Variants in TENM2 observed in about 807,000 individuals in gnomAD.
TENM2 encodes teneurin transmembrane protein 2.
Under a neutral mutation model 245.2 loss-of-function variants are expected in TENM2, and 52 were observed. That is an observed-to-expected ratio of 0.21 (90% confidence interval 0.17 to 0.27). TENM2 has a LOEUF of 0.27. TENM2 is among the 10% of genes least tolerant of loss of function. The probability of loss-of-function intolerance (pLI) is 1.00; values close to 1 mark genes in which losing one functional copy is unlikely to be tolerated. For synonymous variants in TENM2, 1,363 were observed against 1,438.9 expected (o/e 0.95, Z 1.19); for missense variants, 3,046 against 3,666.8 (o/e 0.83, Z 4.37).
intron 22 of TENM2, 42 bp downstream of exon 24, chr5:168,216,964 C>T (rs748192264): frequency 1.2e-6 from 2 of 1,606,026 alleles, no homozygotes; most frequent in East Asian, 4.5e-5. Flanking sequence ...CAACACCTGC[C>T]CCTTGGCCTG....
At chr5:167,377,546 A>G (rs746992095) in intron 2 of TENM2, among the ~76,000 whole-genome samples, 43 of 152,294 alleles carry the variant, frequency 2.8e-4, no homozygotes, top group Non-Finnish European at 5.1e-4. Context: ...TATTCAAAAG[A>G]GGTACATAAT....
intron 2 of TENM2, among the ~76,000 whole-genome samples, chr5:167,531,677 T>C (rs1473596378): frequency 1.3e-5 from 2 of 151,260 alleles, no homozygotes; most frequent in East Asian, 3.9e-4. Context: ...TTCTCCTCTC[T>C]AAGTTCAATG....
chr5:167,092,253 A>G, the TENM2 span, among the ~76,000 whole-genome samples: 2 of 152,182 alleles, frequency 1.3e-5, no homozygotes, highest in South Asian at 4.1e-4. Flanking sequence ...ATGAGGTTTT[A>G]TGGAAACACA....
intron 2 of TENM2, among the ~76,000 whole-genome samples, chr5:167,573,601 T>TA (rs1774433463): frequency 6.6e-6 from 1 of 151,648 alleles, no homozygotes; most frequent in Non-Finnish European, 1.5e-5. Flanking sequence ...TCTCTCCTCC[T>TA]GCCTTTGATG....
Position 167,776,395 on chromosome 5 carries a change from G to A in TENM2, c.503-99591G>A, listed in dbSNP as rs547376334. On this transcript the variant is annotated intron_variant, in intron 2 of 28. Transcript: ENST00000518659. Reference sequence around the variant, plus strand: ...GTGGATTGCTTGAGTCCAGGAGTTCGAGACCAGCCTGGGCAGCAAGGCGAG... The same window carrying A: ...GTGGATTGCTTGAGTCCAGGAGTTCAAGACCAGCCTGGGCAGCAAGGCGAG... Among the ~76,000 whole-genome samples, 209 of 151,448 alleles carry A rather than the reference G, an allele frequency of 1.4e-3. 1 individual carries two copies. The highest frequency in any genetic ancestry group is 6.9e-3 in the South Asian group (33 of 4,802).
chr5:168,216,913 T>G, exon 22 of TENM2: 1 of 1,613,940 alleles, frequency 6.2e-7, no homozygotes. Flanking sequence ...CCAGCATGGA[T>G]GTAGCCCAGG....
At chr5:167,900,080 C>T (rs1316033281) in intron 3 of TENM2, among the ~76,000 whole-genome samples, 1 of 116,044 alleles carries the variant, frequency 8.6e-6, no homozygotes, top group African/African-American at 3.4e-5. Flanking sequence ...CCGTTTCTTA[C>T]AGTATCTTTC....
intron 2 of TENM2, among the ~76,000 whole-genome samples, chr5:167,499,378 G>A (rs1244731649): frequency 6.6e-6 from 1 of 152,154 alleles, no homozygotes; most frequent in Non-Finnish European, 1.5e-5. Flanking sequence ...CTAAAAATGG[G>A]CATGGGGAAT....
chr5:168,140,783 T>C (rs1055766108), intron 12 of TENM2, among the ~76,000 whole-genome samples: 57 of 152,172 alleles, frequency 3.7e-4, no homozygotes, highest in African/African-American at 1.3e-3. Context: ...TTTCTCTTCC[T>C]TATGCTGATA....
chr5:168,073,720 A>T (rs970797302), intron 7 of TENM2, among the ~76,000 whole-genome samples: 1 of 152,194 alleles, frequency 6.6e-6, no homozygotes, highest in African/African-American at 2.4e-5. Flanking sequence ...ACCTGGGGAA[A>T]ATCTTGTTGA....
At chr5:168,206,484 C>A (rs1391504821) in intron 19 of TENM2, among the ~76,000 whole-genome samples, 1 of 152,172 alleles carries the variant, frequency 6.6e-6, no homozygotes, top group Non-Finnish European at 1.5e-5. Context: ...TCAAGCTGAG[C>A]TGAAGGGCCA....
the TENM2 span, among the ~76,000 whole-genome samples, chr5:167,106,700 G>C: frequency 1.3e-5 from 2 of 151,952 alleles, no homozygotes; most frequent in Non-Finnish European, 2.9e-5. Context: ...GTGCACAAGT[G>C]CTATTCTGCA....
At chr5:167,802,972 G>C (rs1189692559) in intron 2 of TENM2, among the ~76,000 whole-genome samples, 2 of 152,116 alleles carry the variant, frequency 1.3e-5, no homozygotes, top group Non-Finnish European at 2.9e-5. Flanking sequence ...AAAATCAAAT[G>C]AGTATTTGCA....
intron 2 of TENM2, among the ~76,000 whole-genome samples, chr5:167,489,520 A>G (rs879399955): frequency 1.3e-5 from 2 of 152,136 alleles, no homozygotes; most frequent in Non-Finnish European, 2.9e-5. Flanking sequence ...TACAATGGCA[A>G]CACTGCCCTT....
intron 2 of TENM2, among the ~76,000 whole-genome samples, chr5:167,478,750 A>T (rs1194670730): frequency 6.6e-6 from 1 of 152,150 alleles, no homozygotes; most frequent in African/African-American, 2.4e-5. Flanking sequence ...ACCATTTTTA[A>T]AACATTTTGC....
At chr5:167,903,037 C>A (rs1775827978) in intron 3 of TENM2, among the ~76,000 whole-genome samples, 1 of 152,188 alleles carries the variant, frequency 6.6e-6, no homozygotes, top group Admixed American at 6.5e-5. Context: ...TTGACTCAAT[C>A]ATTTCATATT....
At chr5:167,386,992 AC>A (rs1213176916) in intron 2 of TENM2, among the ~76,000 whole-genome samples, 2 of 151,878 alleles carry the variant, frequency 1.3e-5, no homozygotes, top group Admixed American at 6.6e-5. Flanking sequence ...GGCTATGCTG[AC>A]TTTTTTTTGG....
At chr5:167,864,704 C>T (rs564788296) in intron 2 of TENM2, among the ~76,000 whole-genome samples, 1 of 152,202 alleles carries the variant, frequency 6.6e-6, no homozygotes, top group South Asian at 2.1e-4. Context: ...GGTTCCAACT[C>T]TTCTTCCCAA....
the TENM2 span, among the ~76,000 whole-genome samples, chr5:167,132,176 T>C: frequency 2.0e-5 from 3 of 152,150 alleles, no homozygotes; most frequent in Non-Finnish European, 4.4e-5. Flanking sequence ...TTTGCTTTTT[T>C]AGTGATATAT....
Sources: allele counts gnomAD v4.1 joint callset (sites outside exome capture counted in the v4.1 genomes callset), GRCh38; gene constraint gnomAD v4.1.1; transcripts MANE v1.5; gene names NCBI Gene and HGNC (gene_info 2026-07-23, HGNC 2026-07-21).